Variants in CDH23 observed in about 807,000 individuals in gnomAD.
The protein encoded by CDH23 is cadherin related 23, also known as cadherin-23.
Under a neutral mutation model 317.1 loss-of-function variants are expected in CDH23, and 189 were observed. That is an observed-to-expected ratio of 0.60 (90% CI 0.53 to 0.67). The LOEUF (loss-of-function observed/expected upper bound fraction) is 0.67, where lower values mean the gene tolerates loss of function less well. Ranked by LOEUF, CDH23 falls within the 30% of genes least tolerant of loss-of-function variation. The pLI, the probability that CDH23 is intolerant of heterozygous loss-of-function variation, is 0.00. For synonymous variants in CDH23, 1,839 were observed against 1,876.8 expected (o/e 0.98, Z 0.52); for missense variants, 4,401 against 4,592.4 (o/e 0.96, Z 1.20).
At chr10:71,400,272 G>C (rs920618380) in intron 1 of CDH23, among the ~76,000 whole-genome samples, 2 of 152,192 alleles carry the variant, frequency 1.3e-5, no homozygotes, top group Non-Finnish European at 2.9e-5. Context: ...TGGATCAGAG[G>C]CCTGGTGTAG....
chr10:71,547,776 T>G (rs1856365334), intron 6 of CDH23, among the ~76,000 whole-genome samples: 1 of 152,170 alleles, frequency 6.6e-6, no homozygotes, highest in Admixed American at 6.5e-5. Flanking sequence ...GGACACAGTT[T>G]CCAGAGTTTG....
Position 71,510,141 on chromosome 10 carries a change from G to A in CDH23, c.205G>A (p.Val69Met), listed in dbSNP as rs563224115. ...DMDNDPLVFG[V>M]SGEEASRFFA... ...GGACAATGACCCCCTGGTGTTTGGC[G>A]TGTCTGGGGAGGAGGCCTCTCGCTT... Residue 69 changes from valine to methionine, a missense_variant, in exon 4 of 70, where the codon GTG (valine) becomes ATG (methionine). Physicochemically the swap from Val to Met is conservative, Grantham distance 21 (BLOSUM62 1). This residue lies in a region of CDH23 where 3,068 missense variants were observed against 3,203.3 expected (regional missense o/e 0.96). Coordinates refer to ENST00000224721, the MANE Select transcript of CDH23 (RefSeq NM_022124.6). 2.4e-5 allele frequency: 39 copies of A among 1,613,916 alleles called. No homozygotes were observed. Among genetic ancestry groups the A allele is most frequent in the East Asian group, 1.1e-4 (5 of 44,890 alleles).
chr10:71,582,274 C>T (rs1022307950), intron 9 of CDH23, among the ~76,000 whole-genome samples: 5 of 152,180 alleles, frequency 3.3e-5, no homozygotes, highest in Non-Finnish European at 7.3e-5. Context: ...CATGTAGCTA[C>T]TGGGCACTTG....
At chr10:71,791,846 G>A (rs1478164566) in intron 47 of CDH23, among the ~76,000 whole-genome samples, 1 of 152,116 alleles carries the variant, frequency 6.6e-6, no homozygotes, top group Non-Finnish European at 1.5e-5. Flanking sequence ...AAAGTGCTGG[G>A]ATTACAGGTG....
intron 43 of CDH23, 134 bp from the exon 44 acceptor site, chr10:71,785,497 C>T (rs1347601162): frequency 1.4e-5 from 9 of 652,636 alleles, no homozygotes; most frequent in African/African-American, 3.6e-5. Flanking sequence ...GAGACCCTGC[C>T]GACCCACATT....
chr10:71,762,521 C>CA (rs1225315850), intron 38 of CDH23, among the ~76,000 whole-genome samples: 2 of 152,256 alleles, frequency 1.3e-5, no homozygotes, highest in Non-Finnish European at 2.9e-5. Flanking sequence ...CCAGGTGCTG[C>CA]ATCTCACCTG....
intron 3 of CDH23, among the ~76,000 whole-genome samples, chr10:71,466,575 TGA>T (rs913214874): frequency 4.6e-5 from 7 of 152,274 alleles, no homozygotes; most frequent in Middle Eastern, 3.4e-3. Flanking sequence ...TGTGCATGTG[TGA>T]GTGTGTCCAT....
chr10:71,748,597 G>A (rs556024760), intron 38 of CDH23: 5 of 152,394 alleles, frequency 3.3e-5, no homozygotes, highest in African/African-American at 9.6e-5. Flanking sequence ...TCCTAACAAT[G>A]AATTAGTTCT....
At chr10:71,436,941 T>G (rs1849649587) in intron 1 of CDH23, among the ~76,000 whole-genome samples, 2 of 152,220 alleles carry the variant, frequency 1.3e-5, no homozygotes, top group South Asian at 2.1e-4. Flanking sequence ...ATAACGCTAG[T>G]GCTGCTGGCT....
rs546262225 is a variant in CDH23 at position 71,454,350 on chromosome 10, G to A, written c.145+7955G>A. ...TCCAAGCTGTAATTTAAACTCGCTC[G>A]CTTGCTTTTAAGCTCCTATAAACAT... On this transcript the variant is annotated intron_variant, in intron 3 of 69. Coordinates refer to ENST00000224721, the MANE Select transcript of CDH23 (RefSeq NM_022124.6). Among the ~76,000 whole-genome samples the A allele has an allele frequency of 3.9e-5, 6 of 152,252 alleles. No individual in the cohort carries two copies. The South Asian group carries it at 6.2e-4, about 16-fold the overall frequency.
At position 71,439,852 on chromosome 10, in the gene CDH23, C is replaced by T. The variant is rs1408013714; in HGVS notation, c.21C>T (p.Thr7=). 2 of 1,571,476 alleles carry T rather than the reference C, an allele frequency of 1.3e-6. No individual in the cohort carries two copies. The highest frequency in any genetic ancestry group is 1.7e-6 in the Non-Finnish European group (2 of 1,157,314). Residue 7 remains threonine, a synonymous_variant, in exon 2 of 70, where the codon ACC becomes ACT. Coordinates refer to ENST00000224721, the MANE Select transcript of CDH23 (RefSeq NM_022124.6). Reference sequence around the variant, plus strand: ...GAGCCATGGGGCGCCATGTTGCCACCAGCTGCCACGTGGCCTGGCTTTTGG... The same window carrying T: ...GAGCCATGGGGCGCCATGTTGCCACTAGCTGCCACGTGGCCTGGCTTTTGG... The part of the protein sequence containing the change: MGRHVA[T]SCHVAWLLVL...
chr10:71,601,965 G>C lies in CDH23; in HGVS notation c.833-13539G>C, dbSNP rs544855881. Among the ~76,000 whole-genome samples the C allele has an allele frequency of 5.3e-5, 8 of 151,688 alleles. 1 individual carries two copies. Among genetic ancestry groups the C allele is most frequent in the Non-Finnish European group, 7.4e-5 (5 of 67,892 alleles). On this transcript the variant is annotated intron_variant, in intron 9 of 69. Transcript: ENST00000224721. ...CCTGGGCTGGGTGGGCGGCGGAGGGGGGGGGGCTCTGCAGCCCCCAGGGGA... is the reference window on the plus strand; with the variant it reads ...CCTGGGCTGGGTGGGCGGCGGAGGGCGGGGGGCTCTGCAGCCCCCAGGGGA...
At position 71,807,520 on chromosome 10, in the gene CDH23, CA is replaced by C. The variant is rs1309646821; in HGVS notation, c.8315del (p.Asn2772ThrfsTer65). ...AIVYYFIAAGNEEKNFHLQPD... is the reference protein window; with the variant it reads ...AIVYYFIAAGXEEKNFHLQPD... Reference sequence around the variant, plus strand: ...GTGCCATGATCCCACCCTCAGCCGGCAACGAAGAGAAGAACTTCCATCTGCA... The same window carrying C: ...GTGCCATGATCCCACCCTCAGCCGGCACGAAGAGAAGAACTTCCATCTGCA... On this transcript the variant is annotated frameshift_variant, in exon 59 of 70. Coordinates refer to ENST00000224721, the MANE Select transcript of CDH23 (RefSeq NM_022124.6). LOFTEE classifies it high-confidence loss of function. The C allele has an allele frequency of 1.2e-6, 2 of 1,613,624 alleles. No homozygotes were observed. Among genetic ancestry groups the C allele is most frequent in the Non-Finnish European group, 1.7e-6 (2 of 1,179,744 alleles).
intron 6 of CDH23, among the ~76,000 whole-genome samples, chr10:71,523,934 G>C (rs1301084719): frequency 6.6e-6 from 1 of 152,168 alleles, no homozygotes; most frequent in East Asian, 1.9e-4. Context: ...TGGTCCCCAA[G>C]GGCACTAGGC....
At position 71,615,530 on chromosome 10, in the gene CDH23, G is replaced by A. The variant is rs2132515028; in HGVS notation, c.859G>A (p.Asp287Asn). The change falls in exon 10 of 70, where the codon GAC becomes AAC. Residue 287 changes from aspartate (D) to asparagine (N), a missense_variant. Physicochemically the swap from Asp to Asn is conservative, Grantham distance 23 (BLOSUM62 1). Coordinates refer to ENST00000224721, the MANE Select transcript of CDH23 (RefSeq NM_022124.6). ...SGNTNSIFAL[D>N]YISGVLTLNG... ...GAATACCAACAGCATCTTTGCCCTG[G>A]ACTACATCAGCGGAGTGCTGACCTT... 1 of 1,613,746 alleles carries A rather than the reference G, an allele frequency of 6.2e-7. No individual in the cohort carries two copies. The highest frequency in any genetic ancestry group is 2.2e-5 in the East Asian group (1 of 44,858).
At chr10:71,726,203 C>A (rs1330620899) in intron 30 of CDH23, among the ~76,000 whole-genome samples, 1 of 152,098 alleles carries the variant, frequency 6.6e-6, no homozygotes, top group African/African-American at 2.4e-5. Context: ...CCCACCCCTA[C>A]ACACTCAGCA....
chr10:71,401,749 A>C (rs766420382), intron 1 of CDH23, among the ~76,000 whole-genome samples: 7 of 152,294 alleles, frequency 4.6e-5, no homozygotes, highest in Non-Finnish European at 7.4e-5. Flanking sequence ...AGTCAGAATA[A>C]TGGTTATTCC....
chr10:71,516,721 A>G (rs568712736), intron 6 of CDH23, among the ~76,000 whole-genome samples: 2 of 152,292 alleles, frequency 1.3e-5, no homozygotes, highest in South Asian at 4.1e-4. Context: ...TAGGACAGTT[A>G]CATGGCATGC....
chr10:71,507,680 C>T (rs1042081292), intron 3 of CDH23, among the ~76,000 whole-genome samples: 31 of 152,162 alleles, frequency 2.0e-4, no homozygotes, highest in African/African-American at 7.0e-4. Context: ...GGTGACAGAG[C>T]GAGACCCTGC....
Sources: gnomAD v4.1 joint callset for allele counts (sites outside exome capture counted in the v4.1 genomes callset) on GRCh38, gnomAD v4.1.1 for gene constraint, gnomAD v4.1.1 regional missense constraint, MANE v1.5 for transcripts, NCBI Gene and HGNC (gene_info 2026-07-23, HGNC 2026-07-21) for gene names.